SLC2A9: variants seen among roughly 807,000 people sequenced by gnomAD.
The protein encoded by SLC2A9 is solute carrier family 2, facilitated glucose transporter member 9.
A neutral mutation model predicts 50.6 loss-of-function variants in SLC2A9; 39 were observed. The ratio of observed to expected loss-of-function variants is 0.77; its 90% CI spans 0.60 to 1.01. The LOEUF is 1.01. SLC2A9 is among the 50% of genes least tolerant of loss of function. The probability of loss-of-function intolerance (pLI) is 0.00; values close to 1 mark genes in which losing one functional copy is unlikely to be tolerated. For missense variants in SLC2A9, 686 were observed against 677.6 expected, an observed-to-expected ratio of 1.01 and a Z score of -0.14; for synonymous variants, 324 against 276.9, an observed-to-expected ratio of 1.17 and a Z score of -1.69.
At chr4:9,850,993 C>T (rs1436310112) in intron 10 of SLC2A9, among the ~76,000 whole-genome samples, 1 of 151,874 alleles carries the variant, frequency 6.6e-6, no homozygotes, top group Non-Finnish European at 1.5e-5. Flanking sequence ...GTGTCCCACC[C>T]CTGCTGTGCT....
At chr4:9,783,117 C>A in intron 3 of SLC2A9, 1 of 1,614,252 alleles carries the variant, frequency 6.2e-7, no homozygotes. Context: ...GCCTTCAACG[C>A]CGACTTTCAG....
chr4:9,974,101 C>G (rs996691642), intron 5 of SLC2A9, among the ~76,000 whole-genome samples: 1 of 152,082 alleles, frequency 6.6e-6, no homozygotes, highest in African/African-American at 2.4e-5. Context: ...AATGATAAAA[C>G]CTCTCAAGAA....
downstream of SLC2A9, among the ~76,000 whole-genome samples, chr4:9,822,052 C>G (rs932625311): frequency 6.6e-6 from 1 of 152,190 alleles, no homozygotes; most frequent in African/African-American, 2.4e-5. Context: ...CTTCTAATAT[C>G]TGTAGGGTCT....
chr4:9,958,440 C>T (rs1751681060), intron 5 of SLC2A9, among the ~76,000 whole-genome samples: 1 of 152,032 alleles, frequency 6.6e-6, no homozygotes, highest in Non-Finnish European at 1.5e-5. Context: ...GGGAGTTGAA[C>T]AATGAGAACA....
chr4:9,799,767 T>C (rs1721137694), intron 3 of SLC2A9, among the ~76,000 whole-genome samples: 1 of 142,804 alleles, frequency 7.0e-6, no homozygotes, highest in African/African-American at 2.6e-5. Flanking sequence ...GTAGATTTGA[T>C]AGATGGTGTT....
intron 3 of SLC2A9, among the ~76,000 whole-genome samples, chr4:9,812,566 ATC>A (rs1723032288): frequency 6.6e-6 from 1 of 151,826 alleles, no homozygotes; most frequent in Non-Finnish European, 1.5e-5. Context: ...CACTAAAAAT[ATC>A]TGTCTTTAGA....
intron 10 of SLC2A9, among the ~76,000 whole-genome samples, chr4:9,887,026 C>T (rs913185008): frequency 6.6e-6 from 1 of 152,378 alleles, no homozygotes; most frequent in Admixed American, 6.5e-5. Flanking sequence ...ACCATGTAAG[C>T]TGGTGGTTGG....
chr4:9,869,727 T>C (rs149236596), intron 10 of SLC2A9, among the ~76,000 whole-genome samples: 2 of 152,244 alleles, frequency 1.3e-5, no homozygotes, highest in Admixed American at 6.5e-5. Flanking sequence ...AGACAGTAAG[T>C]AGGTGTCCAA....
intron 2 of SLC2A9, among the ~76,000 whole-genome samples, chr4:10,005,706 T>C (rs2109373127): frequency 6.6e-6 from 1 of 152,344 alleles, no homozygotes; most frequent in East Asian, 1.9e-4. Context: ...CAAAGGAAGC[T>C]TAAGAAAGAG....
At chr4:9,964,423 C>G (rs1432181361) in intron 5 of SLC2A9, among the ~76,000 whole-genome samples, 3 of 152,166 alleles carry the variant, frequency 2.0e-5, no homozygotes, top group African/African-American at 7.2e-5. Context: ...CTTCTTTTCT[C>G]CTATTTCCCT....
At chr4:9,830,212 A>G (rs767292319) in intron 11 of SLC2A9, among the ~76,000 whole-genome samples, 2 of 152,246 alleles carry the variant, frequency 1.3e-5, no homozygotes, top group Non-Finnish European at 2.9e-5. Flanking sequence ...AGTCCTTTGC[A>G]GTGACATGGA....
At chr4:9,967,675 G>A (rs1452419499) in intron 5 of SLC2A9, among the ~76,000 whole-genome samples, 1 of 151,780 alleles carries the variant, frequency 6.6e-6, no homozygotes, top group Non-Finnish European at 1.5e-5. Flanking sequence ...TAAATAGAAA[G>A]AGATATAAAG....
chr4:9,876,695 A>T (rs1230559405), intron 10 of SLC2A9, among the ~76,000 whole-genome samples: 2 of 152,190 alleles, frequency 1.3e-5, no homozygotes, highest in Non-Finnish European at 2.9e-5. Flanking sequence ...ACATTTATAT[A>T]ATAGTTTAGA....
chr4:10,007,125 G>A (rs67968745), intron 2 of SLC2A9, among the ~76,000 whole-genome samples: 12,694 of 152,202 alleles, frequency 0.083, 920 homozygotes, highest in East Asian at 0.39. Flanking sequence ...GAGTACTACC[G>A]CATTCCTGTG....
At chr4:9,792,040 A>T (rs1278391901) in intron 3 of SLC2A9, among the ~76,000 whole-genome samples, 3 of 152,114 alleles carry the variant, frequency 2.0e-5, no homozygotes, top group Non-Finnish European at 4.4e-5. Context: ...GAAAATATTC[A>T]GGTTCAGAGA....
intron 3 of SLC2A9, among the ~76,000 whole-genome samples, chr4:9,805,855 T>C (rs956460237): frequency 2.6e-5 from 4 of 152,198 alleles, no homozygotes; most frequent in Non-Finnish European, 4.4e-5. Context: ...GTTTTCCATG[T>C]AGCAACTAAT....
chr4:9,789,686 C>T (rs1348450459), intron 3 of SLC2A9, among the ~76,000 whole-genome samples: 1 of 152,228 alleles, frequency 6.6e-6, no homozygotes, highest in African/African-American at 2.4e-5. Context: ...AATATGAGTA[C>T]CCCTACTCAC....
chr4:9,829,471 C>CAA (rs33935471), intron 11 of SLC2A9, among the ~76,000 whole-genome samples: 14,457 of 135,788 alleles, frequency 0.11, 867 homozygotes, highest in African/African-American at 0.12. Context: ...ACAAAAATGT[C>CAA]AAAAAAAAAA....
At chr4:10,016,811 G>A (rs6857693) in intron 2 of SLC2A9, among the ~76,000 whole-genome samples, 66,913 of 151,870 alleles carry the variant, frequency 0.44, 16,360 homozygotes, top group South Asian at 0.59. Context: ...AATGTGAGTT[G>A]CAAACCCCCA....
Sources: allele counts gnomAD v4.1 joint callset (sites outside exome capture counted in the v4.1 genomes callset), GRCh38; gene constraint gnomAD v4.1.1; transcripts MANE v1.5; gene names NCBI Gene and HGNC (gene_info 2026-07-23, HGNC 2026-07-21).